The following ZC3HAV1L variants were observed in gnomAD, a reference collection of about 807,000 sequenced individuals.
ZC3HAV1L encodes zinc finger CCCH-type antiviral protein 1-like.
Under a neutral mutation model 28.2 loss-of-function variants are expected in ZC3HAV1L, and 23 were observed. The ratio of observed to expected loss-of-function variants is 0.82; its 90% CI spans 0.59 to 1.16. The LOEUF (loss-of-function observed/expected upper bound fraction) is 1.16. Among genes scored for constraint, ZC3HAV1L ranks in the 50% most tolerant of loss-of-function variants. ZC3HAV1L has a pLI of 0.00. For missense variants in ZC3HAV1L, 376 were observed against 387.7 expected (o/e 0.97, Z 0.25); for synonymous variants, 180 against 163.4 (o/e 1.10, Z -0.78).
chr7:139,035,458 C>G, intron 1 of ZC3HAV1L, 195 bp downstream of exon 1: 1 of 985,386 alleles, frequency 1.0e-6, no homozygotes, highest in South Asian at 4.7e-5. Context: ...ATGGAGAGGA[C>G]CTTCGCGCCT....
chr7:139,028,352 G>A (rs890343704), intron 3 of ZC3HAV1L, among the ~76,000 whole-genome samples: 19 of 132,786 alleles, frequency 1.4e-4, no homozygotes, highest in African/African-American at 4.1e-4. Flanking sequence ...TAGCCTGGGC[G>A]ACAGACTGAG....
At chr7:139,034,185 T>C in intron 2 of ZC3HAV1L, 1 of 985,304 alleles carries the variant, frequency 1.0e-6, no homozygotes, top group Non-Finnish European at 1.2e-6. Flanking sequence ...AACTATCCTC[T>C]GTTTTCTCAA....
intron 1 of ZC3HAV1L, chr7:139,035,333 C>G: frequency 1.0e-6 from 1 of 985,376 alleles, no homozygotes; most frequent in Non-Finnish European, 1.2e-6. Context: ...CAAATATCAC[C>G]AGAATAAGTG....
intron 1 of ZC3HAV1L, 191 bp from the exon 2 acceptor site, chr7:139,034,869 G>A (rs1815651954): frequency 1.0e-6 from 1 of 985,408 alleles, no homozygotes. Flanking sequence ...TCCTCTCCCA[G>A]GGTCATTTGA....
At chr7:139,033,919 TGCCTCTG>T (rs1273099859) in intron 2 of ZC3HAV1L, 1 of 985,274 alleles carries the variant, frequency 1.0e-6, no homozygotes, top group Non-Finnish European at 1.2e-6. Flanking sequence ...TTGGTTGGAA[TGCCTCTG>T]GCTCACAACC....
At chr7:139,032,233 T>C (rs143628412) in intron 2 of ZC3HAV1L, among the ~76,000 whole-genome samples, 59 of 152,252 alleles carry the variant, frequency 3.9e-4, no homozygotes, top group Admixed American at 1.2e-3. Flanking sequence ...CCTTATAGAT[T>C]TGTTAAAATT....
intron 1 of ZC3HAV1L, chr7:139,035,024 C>T (rs1323208969): frequency 2.0e-6 from 2 of 985,346 alleles, no homozygotes; most frequent in East Asian, 2.3e-4. Flanking sequence ...CCCCTATCCC[C>T]AGCACCGCTT....
chr7:139,024,531 T>C (rs963958663), downstream of ZC3HAV1L, among the ~76,000 whole-genome samples: 5 of 152,172 alleles, frequency 3.3e-5, no homozygotes, highest in African/African-American at 9.6e-5. Flanking sequence ...TTTTTAATTA[T>C]CACCAGGAGA....
At chr7:139,031,006 A>G (rs1314593584) in intron 2 of ZC3HAV1L, among the ~76,000 whole-genome samples, 1 of 152,164 alleles carries the variant, frequency 6.6e-6, no homozygotes, top group Non-Finnish European at 1.5e-5. Flanking sequence ...ATAGCATCCT[A>G]TTTATAATTG....
Position 139,028,700 on chromosome 7 carries a change from A to ACCTGTATT in ZC3HAV1L, c.754_760+1dup. The ACCTGTATT allele has an allele frequency of 6.2e-7, 1 of 1,612,842 alleles. No homozygotes were observed. Among genetic ancestry groups the ACCTGTATT allele is most frequent in the Non-Finnish European group, 8.5e-7 (1 of 1,179,084 alleles). Reference sequence around the variant, plus strand: ...TTCTCTGTCCTTCTTGGATATTCCTACCTGTATTTTCAAGCATCTTGTGCA... The same window carrying ACCTGTATT: ...TTCTCTGTCCTTCTTGGATATTCCTACCTGTATTCCTGTATTTTCAAGCATCTTGTGCA... On this transcript the variant is annotated splice_donor_variant, in intron 3 of 4. Transcript: ENST00000275766. LOFTEE classifies it high-confidence loss of function.
At chr7:139,035,438 A>T in intron 1 of ZC3HAV1L, 1 of 985,320 alleles carries the variant, frequency 1.0e-6, no homozygotes, top group Non-Finnish European at 1.2e-6. Flanking sequence ...TGGGCGGTTG[A>T]GACGTCTCCA....
At chr7:139,029,595 T>C (rs1406423353) in intron 2 of ZC3HAV1L, among the ~76,000 whole-genome samples, 2 of 152,186 alleles carry the variant, frequency 1.3e-5, no homozygotes, top group African/African-American at 4.8e-5. Context: ...GCCTCAAAGC[T>C]AGACTCAACG....
chr7:139,026,813 C>A lies in ZC3HAV1L; in HGVS notation c.781G>T (p.Glu261Ter). ...TGCTTCTCAAGGCCTTGTGAATGCT[C>A]AGTCGAAGGTGATGAATTATCTACA... ...ENTDNSSPST[E>*]HSQGLEKQGV... The change falls in exon 4 of 5, where the codon GAG becomes TAG. Residue 261 changes from glutamate to a stop codon, truncating the protein, a stop_gained. Transcript: ENST00000275766. LOFTEE classifies it high-confidence loss of function. 6.2e-7 allele frequency: 1 copy of A among 1,613,636 alleles called. No individual in the cohort carries two copies. The highest frequency in any genetic ancestry group is 1.1e-5 in the South Asian group (1 of 90,968).
At chr7:139,034,887 G>C in intron 1 of ZC3HAV1L, 1 of 985,460 alleles carries the variant, frequency 1.0e-6, no homozygotes, top group Non-Finnish European at 1.2e-6. Context: ...TGAATTTTCA[G>C]TAGGGATGCT....
In ZC3HAV1L at chr7:139,029,238, G is replaced by A. The variant is rs1288466557; in HGVS notation, c.502-278C>T. Among the ~76,000 whole-genome samples, 6 of 152,044 alleles carry A rather than the reference G, an allele frequency of 3.9e-5. No homozygotes were observed. In the East Asian group the frequency reaches 1.2e-3, roughly 29 times the overall value. On this transcript the variant is annotated intron_variant, in intron 2 of 4. Coordinates refer to ENST00000275766, the MANE Select transcript of ZC3HAV1L (RefSeq NM_080660.4). Reference sequence around the variant, plus strand: ...GGCTGGTCTCCAACTCCTCACCTCAGGTGATCTGCCCACCTCAGCCTCTCA... The same window carrying A: ...GGCTGGTCTCCAACTCCTCACCTCAAGTGATCTGCCCACCTCAGCCTCTCA...
chr7:139,035,494 G>C, intron 1 of ZC3HAV1L, 159 bp downstream of exon 1: 1 of 985,310 alleles, frequency 1.0e-6, no homozygotes, highest in Non-Finnish European at 1.2e-6. Flanking sequence ...GGAAGCGCGG[G>C]GGAGGACGCC....
chr7:139,035,976 C>T lies in ZC3HAV1L; in HGVS notation c.42G>A (p.Leu14=), dbSNP rs761658876. Residue 14 remains leucine, a synonymous_variant, in exon 1 of 5, where the codon CTG becomes CTA. Transcript: ENST00000275766. The part of the protein sequence containing the change: ...PTVCSFLTKV[L]CAHGGRMFLK... ...GGAACATGCGGCCGCCGTGGGCGCA[C>T]AGCACCTTGGTGAGGAAGGAGCACA... The T allele has an allele frequency of 7.2e-6, 11 of 1,525,756 alleles. No individual in the cohort carries two copies. The highest frequency in any genetic ancestry group is 7.1e-5 in the African/African-American group (5 of 70,150). The allele number at this position is 1,525,756 out of a possible 1,614,324, so 94.5% of individuals were successfully genotyped here.
intron 1 of ZC3HAV1L, 104 bp from the exon 2 acceptor site, chr7:139,034,782 G>A (rs1815648361): frequency 6.8e-7 from 1 of 1,478,938 alleles, no homozygotes; most frequent in Admixed American, 2.3e-5. Flanking sequence ...ATGTGAAGTT[G>A]AGTAATTTTC....
At chr7:139,033,819 GA>G in intron 2 of ZC3HAV1L, 1 of 985,434 alleles carries the variant, frequency 1.0e-6, no homozygotes, top group Non-Finnish European at 1.2e-6. Context: ...GGAAGGACTG[GA>G]CCCAGCCTCA....
Sources: allele counts gnomAD v4.1 joint callset (sites outside exome capture counted in the v4.1 genomes callset), GRCh38; gene constraint gnomAD v4.1.1; transcripts MANE v1.5; gene names NCBI Gene and HGNC (gene_info 2026-07-23, HGNC 2026-07-21).